The following PRKCA variants were observed in gnomAD, a reference collection of about 807,000 sequenced individuals.
PRKCA encodes the protein protein kinase C alpha, also known as protein kinase C alpha type.
A neutral mutation model predicts 87.0 loss-of-function variants in PRKCA; 27 were observed. The observed-to-expected ratio is 0.31, with a 90% CI of 0.23 to 0.43. The LOEUF (loss-of-function observed/expected upper bound fraction) is 0.43. PRKCA is among the 20% of genes least tolerant of loss of function. PRKCA has a pLI of 1.00. For missense variants in PRKCA, 518 were observed against 852.3 expected, an observed-to-expected ratio of 0.61 and a Z score of 4.88; for synonymous variants, 329 against 311.1, an observed-to-expected ratio of 1.06 and a Z score of -0.61.
At chr17:66,396,292 A>G (rs1910659771) in intron 2 of PRKCA, among the ~76,000 whole-genome samples, 2 of 152,154 alleles carry the variant, frequency 1.3e-5, no homozygotes, top group Admixed American at 1.3e-4. Flanking sequence ...GTGTGTGTGA[A>G]AATTAGACTT....
chr17:66,334,070 G>A (rs565267347), intron 2 of PRKCA, among the ~76,000 whole-genome samples: 1 of 152,254 alleles, frequency 6.6e-6, no homozygotes, highest in East Asian at 1.9e-4. Flanking sequence ...GGCCAGCATG[G>A]TGAAACCCCA....
At chr17:66,637,073 C>T (rs568853750) in intron 3 of PRKCA, among the ~76,000 whole-genome samples, 4 of 152,116 alleles carry the variant, frequency 2.6e-5, no homozygotes, top group Admixed American at 6.6e-5. Context: ...GAGGTGGAAG[C>T]GATGGTTTCC....
chr17:66,745,116 A>G (rs898623869), intron 13 of PRKCA, among the ~76,000 whole-genome samples: 1 of 152,216 alleles, frequency 6.6e-6, no homozygotes, highest in African/African-American at 2.4e-5. Context: ...TTCCAGGGAT[A>G]AGGATGTGGA....
intron 2 of PRKCA, among the ~76,000 whole-genome samples, chr17:66,414,443 G>A (rs1912014184): frequency 1.3e-5 from 2 of 152,168 alleles, no homozygotes; most frequent in South Asian, 4.1e-4. Context: ...CATGCTTCCT[G>A]TACGGCCTGT....
At chr17:66,771,132 A>G (rs1179353386) in intron 13 of PRKCA, among the ~76,000 whole-genome samples, 1 of 151,694 alleles carries the variant, frequency 6.6e-6, no homozygotes, top group Admixed American at 6.6e-5. Flanking sequence ...CCTCCCGAGT[A>G]GCTGGGATTA....
chr17:66,546,276 C>T (rs1208204325), intron 3 of PRKCA, among the ~76,000 whole-genome samples: 1 of 152,062 alleles, frequency 6.6e-6, no homozygotes, highest in Non-Finnish European at 1.5e-5. Context: ...TTTTTAATTA[C>T]TTCATTTTAT....
At chr17:66,468,143 C>T (rs1277683434) in intron 2 of PRKCA, among the ~76,000 whole-genome samples, 1 of 152,212 alleles carries the variant, frequency 6.6e-6, no homozygotes, top group African/African-American at 2.4e-5. Flanking sequence ...TGTCAAAAAG[C>T]ACATATTTTC....
chr17:66,671,313 TG>T (rs892054546), intron 5 of PRKCA, among the ~76,000 whole-genome samples: 2 of 142,136 alleles, frequency 1.4e-5, no homozygotes, highest in Non-Finnish European at 3.0e-5. Flanking sequence ...AGCCAAGAAG[TG>T]GGGGGGTTTA....
intron 2 of PRKCA, among the ~76,000 whole-genome samples, chr17:66,325,400 A>G (rs1905917827): frequency 6.6e-6 from 1 of 152,204 alleles, no homozygotes; most frequent in South Asian, 2.1e-4. Context: ...TATTGCTTTC[A>G]TGGTCTTTTA....
chr17:66,715,210 G>T (rs1252357903), intron 8 of PRKCA, among the ~76,000 whole-genome samples: 1 of 151,870 alleles, frequency 6.6e-6, no homozygotes, highest in South Asian at 2.1e-4. Context: ...TGGAGGGAAG[G>T]CTCTGGAACC....
chr17:66,531,990 A>G (rs1331077334), intron 3 of PRKCA, among the ~76,000 whole-genome samples: 1 of 152,162 alleles, frequency 6.6e-6, no homozygotes, highest in African/African-American at 2.4e-5. Flanking sequence ...AGCCTCTGCC[A>G]GCCCTCTGTG....
chr17:66,722,042 C>T (rs1266855025), intron 8 of PRKCA, among the ~76,000 whole-genome samples: 1 of 152,118 alleles, frequency 6.6e-6, no homozygotes, highest in Non-Finnish European at 1.5e-5. Flanking sequence ...TGATTCTTAA[C>T]TGTAGATGAA....
intron 5 of PRKCA, among the ~76,000 whole-genome samples, chr17:66,684,245 A>T (rs562185501): frequency 6.6e-6 from 1 of 152,246 alleles, no homozygotes; most frequent in Admixed American, 6.5e-5. Flanking sequence ...CCGAGTGCCT[A>T]TCACTGCTCT....
rs71160581 is a variant in PRKCA, at chr17:66,592,343, C to CAAAAAAAA, written c.289-49001_289-48994dup. Among the ~76,000 whole-genome samples the CAAAAAAAA allele has an allele frequency of 4.7e-3, 385 of 82,294 alleles. 22 individuals are homozygous for CAAAAAAAA. The highest frequency in any genetic ancestry group is 0.034 in the East Asian group (95 of 2,824). 54.0% of individuals were successfully genotyped at this position (82,294 alleles called of 152,430 possible). On this transcript the variant is annotated intron_variant, in intron 3 of 16. Transcript: ENST00000413366. The stretch of plus-strand genomic sequence containing the variant: ...GCACTCCAGTCTGGGTGATCCGTCT[C>CAAAAAAAA]AAAAAAAAAAAAAAAAAAGTTACCA...
At chr17:66,799,411 G>T in intron 16 of PRKCA, among the ~76,000 whole-genome samples, 1 of 134,498 alleles carries the variant, frequency 7.4e-6, no homozygotes. Flanking sequence ...TGATGGTGGT[G>T]GTGGTGGTGG....
chr17:66,318,917 T>A (rs1481266408), intron 2 of PRKCA, among the ~76,000 whole-genome samples: 1 of 151,928 alleles, frequency 6.6e-6, no homozygotes, highest in Non-Finnish European at 1.5e-5. Flanking sequence ...ATTCATGAAT[T>A]TTAGACCAGC....
chr17:66,542,640 C>G (rs904301420), intron 3 of PRKCA, among the ~76,000 whole-genome samples: 1 of 151,966 alleles, frequency 6.6e-6, no homozygotes, highest in South Asian at 2.1e-4. Flanking sequence ...GACTGATAGT[C>G]GGAAGGGATT....
intron 3 of PRKCA, among the ~76,000 whole-genome samples, chr17:66,529,595 TAGTC>T (rs1469603322): frequency 5.3e-5 from 8 of 152,192 alleles, no homozygotes; most frequent in Admixed American, 2.6e-4. Flanking sequence ...CAAAATCTCA[TAGTC>T]AGTCTTTGCA....
chr17:66,801,526 GA>G (rs1975897345), intron 16 of PRKCA, among the ~76,000 whole-genome samples: 1 of 152,208 alleles, frequency 6.6e-6, no homozygotes, highest in South Asian at 2.1e-4. Flanking sequence ...ATTAAGTACA[GA>G]CTCCCGATTA....
Sources: gnomAD v4.1 joint callset for allele counts (sites outside exome capture counted in the v4.1 genomes callset) on GRCh38, gnomAD v4.1.1 for gene constraint, MANE v1.5 for transcripts, NCBI Gene and HGNC (gene_info 2026-07-23, HGNC 2026-07-21) for gene names.